The following NCOR1 variants were observed in gnomAD, a reference collection of about 807,000 sequenced individuals.
NCOR1 encodes the protein nuclear receptor corepressor 1.
A neutral mutation model predicts 288.1 loss-of-function variants in NCOR1; 63 were observed. The ratio of observed to expected loss-of-function variants is 0.22; its 90% CI spans 0.18 to 0.27. The LOEUF is 0.27. NCOR1 is among the 10% of genes least tolerant of loss of function. The pLI is 1.00. For synonymous variants in NCOR1, 1,007 were observed against 1,065.9 expected, an observed-to-expected ratio of 0.94 and a Z score of 1.08; for missense variants, 2,397 against 3,019.2, an observed-to-expected ratio of 0.79 and a Z score of 4.83.
At chr17:16,152,129 C>T (rs184293088) in intron 7 of NCOR1, 131 bp from the exon 8 acceptor site, 12 of 541,582 alleles carry the variant, frequency 2.2e-5, no homozygotes, top group South Asian at 3.5e-5. Context: ...CCTACCAAAA[C>T]CTCCAAACTT....
chr17:16,080,914 A>C (rs1250238278), intron 23 of NCOR1, among the ~76,000 whole-genome samples, 187 bp from the exon 24 acceptor site: 1 of 152,036 alleles, frequency 6.6e-6, no homozygotes, highest in African/African-American at 2.4e-5. Context: ...AAATATAAAA[A>C]AAATTTTAAA....
At chr17:16,118,467 A>C (rs2072208564) in intron 17 of NCOR1, among the ~76,000 whole-genome samples, 1 of 152,226 alleles carries the variant, frequency 6.6e-6, no homozygotes, top group Non-Finnish European at 1.5e-5. Flanking sequence ...ATTTGTCCTC[A>C]GTCAATTCAC....
At chr17:16,071,782 A>T in intron 29 of NCOR1, 117 bp from the exon 30 acceptor site, 3 of 902,654 alleles carry the variant, frequency 3.3e-6, no homozygotes, top group Non-Finnish European at 5.0e-6. Flanking sequence ...ATTTTAACAT[A>T]ATTTAAAATA....
intron 23 of NCOR1, among the ~76,000 whole-genome samples, chr17:16,083,059 C>T (rs573779178): frequency 3.9e-5 from 6 of 152,088 alleles, no homozygotes; most frequent in African/African-American, 1.2e-4. Context: ...GGTGAAACCC[C>T]GTCTCTACTA....
At chr17:16,150,268 C>A (rs1046224824) in intron 8 of NCOR1, among the ~76,000 whole-genome samples, 1 of 151,866 alleles carries the variant, frequency 6.6e-6, no homozygotes, top group African/African-American at 2.4e-5. Flanking sequence ...TGGCTCCACT[C>A]AAATAAGTAT....
chr17:16,064,266 G>T, intron 34 of NCOR1, 79 bp from the exon 35 acceptor site: 1 of 1,514,512 alleles, frequency 6.6e-7, no homozygotes, highest in South Asian at 1.3e-5. Flanking sequence ...AATTCTAAGT[G>T]ACTGAAAATT....
At chr17:16,070,654 A>C in intron 30 of NCOR1, 129 bp from the exon 31 acceptor site, 176 of 1,217,308 alleles carry the variant, frequency 1.4e-4, no homozygotes, top group Non-Finnish European at 1.8e-4. Flanking sequence ...TACAAATCTC[A>C]ATCACAACCC....
chr17:16,040,840 G>A, intron 42 of NCOR1: 1 of 275,052 alleles, frequency 3.6e-6, no homozygotes, highest in South Asian at 4.2e-5. Flanking sequence ...GGCCAGCCTG[G>A]GCAACACAGT....
chr17:16,030,213 G>C lies in NCOR1; in HGVS notation c.*2083C>G. ...AAATATATTTACTATTCATTAAGTG[G>C]AAGTGGATCATCATGAAGGTCTTCA... On this transcript the variant is annotated 3_prime_UTR_variant, in exon 46 of 46. Transcript: ENST00000268712. 1 of 228,124 alleles carries C rather than the reference G, an allele frequency of 4.4e-6. No individual in the cohort carries two copies. The highest frequency in any genetic ancestry group is 8.6e-6 in the Non-Finnish European group (1 of 116,740). The allele number at this position is 228,124 out of a possible 1,614,324, so 14.1% of individuals were successfully genotyped here. A position where few individuals can be genotyped will look rare whatever the true frequency, so the allele number is the denominator to read the frequency against.
At chr17:16,178,498 C>CA (rs564320622) in intron 3 of NCOR1, among the ~76,000 whole-genome samples, 1,829 of 31,908 alleles carry the variant, frequency 0.057, 90 homozygotes, top group East Asian at 0.088. Context: ...GACTCCGTCT[C>CA]AAAAAAAAAA....
At chr17:16,109,255 T>TA (rs1326582381) in intron 18 of NCOR1, among the ~76,000 whole-genome samples, 1 of 149,672 alleles carries the variant, frequency 6.7e-6, no homozygotes, top group Non-Finnish European at 1.5e-5. Context: ...TATATATATA[T>TA]TTTTTCTAAA....
intron 4 of NCOR1, among the ~76,000 whole-genome samples, chr17:16,171,579 T>G (rs1234335352): frequency 6.6e-6 from 1 of 152,180 alleles, no homozygotes; most frequent in Non-Finnish European, 1.5e-5. Context: ...GGGAGCAGTC[T>G]TCTTGGACTG....
At position 16,029,188 on chromosome 17, in the gene NCOR1, T is replaced by G. The variant is rs530998213; in HGVS notation, c.*3108A>C. 63 of 453,670 alleles carry G rather than the reference T, an allele frequency of 1.4e-4. No homozygotes were observed. Among genetic ancestry groups the G allele is most frequent in the African/African-American group, 1.0e-3 (51 of 50,100 alleles). The allele number at this position is 453,670 out of a possible 1,614,324, so 28.1% of individuals were successfully genotyped here. On this transcript the variant is annotated 3_prime_UTR_variant, in exon 46 of 46. Coordinates refer to ENST00000268712, the MANE Select transcript of NCOR1 (RefSeq NM_006311.4). ...ATTCCAAGTTTTATTTATTTATTAA[T>G]TTTAAATCATCCACAGTGACTCAGC...
At chr17:16,130,477 T>G (rs1599111046) in intron 14 of NCOR1, among the ~76,000 whole-genome samples, 1 of 152,166 alleles carries the variant, frequency 6.6e-6, no homozygotes, top group East Asian at 1.9e-4. Context: ...TGGCTCGTTG[T>G]CCAGGTTTTT....
chr17:16,200,301 C>A (rs1233667009), intron 1 of NCOR1, among the ~76,000 whole-genome samples: 1 of 151,658 alleles, frequency 6.6e-6, no homozygotes, highest in Non-Finnish European at 1.5e-5. Flanking sequence ...TCCTGGCCAA[C>A]GTGGTAAAAC....
intron 42 of NCOR1, among the ~76,000 whole-genome samples, chr17:16,045,490 G>A (rs2058511447): frequency 6.6e-6 from 1 of 152,060 alleles, no homozygotes; most frequent in Non-Finnish European, 1.5e-5. Context: ...CATTATTACT[G>A]ATTTTATATT....
chr17:16,119,792 C>T (rs901402011), intron 16 of NCOR1, among the ~76,000 whole-genome samples: 4 of 151,464 alleles, frequency 2.6e-5, no homozygotes, highest in African/African-American at 9.7e-5. Context: ...TGATCTCCAC[C>T]TCTCCTCTCC....
chr17:16,127,189 GTA>G (rs1317665246), intron 14 of NCOR1, among the ~76,000 whole-genome samples: 2 of 146,598 alleles, frequency 1.4e-5, no homozygotes, highest in Non-Finnish European at 3.0e-5. Context: ...ATATCTGTAT[GTA>G]TATATACATG....
chr17:16,197,346 AC>A lies in NCOR1; in HGVS notation c.-70-2708del, dbSNP rs199667200. Among the ~76,000 whole-genome samples, 7 of 152,144 alleles carry A rather than the reference AC, an allele frequency of 4.6e-5. No homozygotes were observed. The East Asian group carries it at 1.4e-3, about 29-fold the overall frequency. Reference sequence around the variant, plus strand: ...CAAAAAAAAAAAAAGAACTTTAAAAACTATGTGGTACCATGTAATATATAAA... The same window carrying A: ...CAAAAAAAAAAAAAGAACTTTAAAAATATGTGGTACCATGTAATATATAAA... On this transcript the variant is annotated intron_variant, in intron 1 of 45. Coordinates refer to ENST00000268712, the MANE Select transcript of NCOR1 (RefSeq NM_006311.4).
Sources: allele counts gnomAD v4.1 joint callset (sites outside exome capture counted in the v4.1 genomes callset), GRCh38; gene constraint gnomAD v4.1.1; transcripts MANE v1.5; gene names NCBI Gene and HGNC (gene_info 2026-07-23, HGNC 2026-07-21).